HDAC9: variants seen among roughly 807,000 people sequenced by gnomAD.
The protein encoded by HDAC9 is histone deacetylase 9, also known as MEF-2 interacting transcription repressor (MITR) protein.
Under a neutral mutation model 139.4 loss-of-function variants are expected in HDAC9, and 41 were observed. The ratio of observed to expected loss-of-function variants is 0.29; its 90% CI spans 0.23 to 0.38. HDAC9 has a LOEUF of 0.38. Among genes scored for constraint, HDAC9 ranks in the 10% least tolerant of loss-of-function variants. HDAC9 has a pLI of 1.00. For synonymous variants in HDAC9, 517 were observed against 476.2 expected (o/e 1.09, Z -1.12); for missense variants, 1,147 against 1,297.0 (o/e 0.88, Z 1.78).
chr7:18,921,761 A>C (rs562083465), intron 22 of HDAC9, among the ~76,000 whole-genome samples: 9 of 152,150 alleles, frequency 5.9e-5, no homozygotes, highest in African/African-American at 2.2e-4. Context: ...TCATGCTGCT[A>C]TAAAGACACA....
rs150839865 is a variant in HDAC9, at chr7:18,670,491, T to G, written c.1731+4015T>G. ...TTTTGATTTAGAAAAAGATGTTTAC[T>G]TTTATCTATTACAAACACACAGTGC... On this transcript the variant is annotated intron_variant, in intron 12 of 25. Transcript: ENST00000686413. Among the ~76,000 whole-genome samples, 257 of 152,256 alleles carry G rather than the reference T, an allele frequency of 1.7e-3. 1 individual carries two copies. The highest frequency in any genetic ancestry group is 6.1e-3 in the African/African-American group (252 of 41,578).
chr7:18,611,626 C>T (rs1837167765), intron 6 of HDAC9, among the ~76,000 whole-genome samples: 1 of 151,988 alleles, frequency 6.6e-6, no homozygotes, highest in Non-Finnish European at 1.5e-5. Context: ...GTCTCTTAAC[C>T]CTTAACACTT....
intron 22 of HDAC9, among the ~76,000 whole-genome samples, chr7:18,905,902 CTTTT>C (rs1164046837): frequency 6.6e-6 from 1 of 150,586 alleles, no homozygotes; most frequent in Non-Finnish European, 1.5e-5. Context: ...TCTTTTCCTT[CTTTT>C]CTTTCTTTTC....
At chr7:18,210,009 T>C (rs371923009) in intron 2 of HDAC9, among the ~76,000 whole-genome samples, 32 of 135,006 alleles carry the variant, frequency 2.4e-4, no homozygotes, top group African/African-American at 7.9e-4. Context: ...CAAGAGAAGG[T>C]ACTTTTTTTT....
At chr7:18,992,373 G>C (rs190843994) in intron 25 of HDAC9, among the ~76,000 whole-genome samples, 1 of 152,218 alleles carries the variant, frequency 6.6e-6, no homozygotes, top group African/African-American at 2.4e-5. Context: ...AGTAAATACA[G>C]TACTGAGTGA....
intron 24 of HDAC9, among the ~76,000 whole-genome samples, chr7:18,956,785 TG>T (rs367564439): frequency 0.015 from 2,206 of 152,118 alleles, 34 homozygotes; most frequent in South Asian, 0.028. Flanking sequence ...TGACAGTGAT[TG>T]GTTAAGAAAT....
At chr7:18,535,346 C>A (rs549091009) in intron 2 of HDAC9, among the ~76,000 whole-genome samples, 5 of 150,812 alleles carry the variant, frequency 3.3e-5, no homozygotes, top group African/African-American at 7.4e-5. Context: ...TGTTGATGTT[C>A]TTATTATTAT....
intron 1 of HDAC9, among the ~76,000 whole-genome samples, chr7:18,473,736 C>G (rs1794903030): frequency 6.6e-6 from 1 of 152,348 alleles, no homozygotes; most frequent in Non-Finnish European, 1.5e-5. Context: ...CAGCTCACCT[C>G]TCACTGACTA....
rs555112698 is a variant in HDAC9 at position 18,475,444 on chromosome 7, G to A, written c.-41-20818G>A. On this transcript the variant is annotated intron_variant, in intron 1 of 3. Transcript: ENST00000413509. ...TTTTGGTTACCATTTCCCCTGTCCC[G>A]GGAGATATCTTGCTATCATTATCAG... Among the ~76,000 whole-genome samples the A allele has an allele frequency of 2.6e-5, 4 of 152,182 alleles. No individual in the cohort carries two copies. The East Asian group carries it at 7.7e-4, about 29-fold the overall frequency.
At chr7:18,960,140 A>G (rs759718036) in intron 24 of HDAC9, among the ~76,000 whole-genome samples, 11 of 152,064 alleles carry the variant, frequency 7.2e-5, no homozygotes, top group Non-Finnish European at 1.6e-4. Context: ...CCTTTGTTGC[A>G]GGGGAATGTT....
chr7:18,929,301 A>G (rs1233745727), intron 22 of HDAC9, among the ~76,000 whole-genome samples: 1 of 152,180 alleles, frequency 6.6e-6, no homozygotes, highest in Non-Finnish European at 1.5e-5. Context: ...CCATATTGAT[A>G]GCTTATTTAA....
At chr7:18,599,207 A>T (rs1435463804) in intron 6 of HDAC9, among the ~76,000 whole-genome samples, 2 of 152,172 alleles carry the variant, frequency 1.3e-5, no homozygotes, top group Admixed American at 6.6e-5. Context: ...TTGAGTTCCC[A>T]TATTGTTGCC....
chr7:18,340,671 C>G (rs1359402099), intron 1 of HDAC9, among the ~76,000 whole-genome samples: 1 of 150,524 alleles, frequency 6.6e-6, no homozygotes, highest in Admixed American at 6.7e-5. Context: ...TCCTATTGTG[C>G]TGTCATTGTC....
intron 2 of HDAC9, among the ~76,000 whole-genome samples, chr7:18,218,344 T>C (rs1300154897): frequency 2.0e-5 from 3 of 152,084 alleles, no homozygotes; most frequent in Admixed American, 6.6e-5. Context: ...CTCAGAAGGC[T>C]GAGGCATAAG....
chr7:18,932,874 A>AAGAAAGAAAGAAAGAAAG (rs1156511329), intron 22 of HDAC9, among the ~76,000 whole-genome samples: 1 of 151,928 alleles, frequency 6.6e-6, no homozygotes, highest in Non-Finnish European at 1.5e-5. Context: ...GAAAGAAAGA[A>AAGAAAGAAAGAAAGAAAG]AGAAAGGATG....
chr7:18,690,939 T>G (rs1376588011), intron 12 of HDAC9, among the ~76,000 whole-genome samples: 2 of 152,042 alleles, frequency 1.3e-5, no homozygotes, highest in Admixed American at 6.6e-5. Context: ...CTTGCGATTA[T>G]AGTTTTCCAC....
At chr7:18,147,762 C>A (rs1786451946) in intron 1 of HDAC9, among the ~76,000 whole-genome samples, 1 of 151,372 alleles carries the variant, frequency 6.6e-6, no homozygotes, top group Admixed American at 6.6e-5. Flanking sequence ...TTTATCTATT[C>A]TTTTAAATAT....
chr7:18,342,295 T>A (rs1245293460), intron 1 of HDAC9, among the ~76,000 whole-genome samples: 1 of 151,816 alleles, frequency 6.6e-6, no homozygotes, highest in Non-Finnish European at 1.5e-5. Flanking sequence ...TATTCTTCGG[T>A]TTCTGCTCAC....
At chr7:18,797,059 T>A (rs1274319208) in intron 17 of HDAC9, among the ~76,000 whole-genome samples, 3 of 152,236 alleles carry the variant, frequency 2.0e-5, no homozygotes, top group Non-Finnish European at 4.4e-5. Context: ...TAATAACTGC[T>A]ACTCATTGAG....
Sources: gnomAD v4.1 joint callset for allele counts (sites outside exome capture counted in the v4.1 genomes callset) on GRCh38, gnomAD v4.1.1 for gene constraint, MANE v1.5 for transcripts, NCBI Gene and HGNC (gene_info 2026-07-23, HGNC 2026-07-21) for gene names.